NKAIN3: variants seen among roughly 807,000 people sequenced by gnomAD.
NKAIN3 encodes the protein sodium/potassium-transporting ATPase subunit beta-1-interacting protein 3.
A neutral mutation model predicts 30.2 loss-of-function variants in NKAIN3; 25 were observed. The ratio of observed to expected loss-of-function variants is 0.83; its 90% confidence interval spans 0.60 to 1.16. The LOEUF (loss-of-function observed/expected upper bound fraction) is 1.16, where lower values mean the gene tolerates loss of function less well. NKAIN3 is among the 50% of genes most tolerant of loss of function. The pLI is 0.00. For missense variants in NKAIN3, 225 were observed against 254.1 expected, an observed-to-expected ratio of 0.89 and a Z score of 0.78; for synonymous variants, 91 against 89.6, an observed-to-expected ratio of 1.02 and a Z score of -0.09.
intron 3 of NKAIN3, among the ~76,000 whole-genome samples, chr8:62,728,248 G>A (rs1360606069): frequency 1.3e-5 from 2 of 151,838 alleles, no homozygotes; most frequent in Non-Finnish European, 1.5e-5. Flanking sequence ...GTTTGGCAAT[G>A]GCATTTTAGA....
chr8:62,408,020 C>A (rs1457052421), intron 1 of NKAIN3, among the ~76,000 whole-genome samples: 1 of 152,144 alleles, frequency 6.6e-6, no homozygotes, highest in African/African-American at 2.4e-5. Context: ...AACAGTGAGA[C>A]CTTGTCTCTA....
At chr8:62,932,190 A>G (rs140624123) in intron 5 of NKAIN3, among the ~76,000 whole-genome samples, 12 of 152,372 alleles carry the variant, frequency 7.9e-5, no homozygotes, top group Non-Finnish European at 1.3e-4. Context: ...ACAAACTTAA[A>G]TAGCTAATTT....
At chr8:62,314,457 G>A (rs1235162037) in intron 1 of NKAIN3, among the ~76,000 whole-genome samples, 2 of 152,146 alleles carry the variant, frequency 1.3e-5, no homozygotes, top group African/African-American at 4.8e-5. Context: ...TGAGGTTTGC[G>A]ATGAAACCGG....
chr8:62,782,445 A>C (rs375689721), intron 4 of NKAIN3, among the ~76,000 whole-genome samples: 1 of 152,088 alleles, frequency 6.6e-6, no homozygotes, highest in African/African-American at 2.4e-5. Flanking sequence ...AAAAGAAATC[A>C]GTACATCAAA....
rs182478574 is a variant in NKAIN3 at position 62,442,235 on chromosome 8, T to C, written c.55-137304T>C. 2.0e-5 allele frequency among the ~76,000 whole-genome samples: 3 copies of C among 152,154 alleles called. No individual in the cohort carries two copies. In the East Asian group the frequency reaches 5.8e-4, roughly 29 times the overall value. On this transcript the variant is annotated intron_variant, in intron 1 of 6. Transcript: ENST00000623646. ...TTGTAAAACTATCAGAGCCTTGTACTATTTTGGTGGAAAGGAATATATTTA... is the reference window on the plus strand; with the variant it reads ...TTGTAAAACTATCAGAGCCTTGTACCATTTTGGTGGAAAGGAATATATTTA...
intron 3 of NKAIN3, among the ~76,000 whole-genome samples, chr8:62,726,311 T>A (rs1008060486): frequency 3.9e-5 from 6 of 152,100 alleles, no homozygotes; most frequent in Admixed American, 2.6e-4. Flanking sequence ...CTTTATTTCC[T>A]TCTCTTTTCC....
intron 1 of NKAIN3, among the ~76,000 whole-genome samples, chr8:62,336,279 T>C (rs1815548958): frequency 6.6e-6 from 1 of 152,080 alleles, no homozygotes; most frequent in Admixed American, 6.6e-5. Context: ...TGTTTTACCA[T>C]AGGCAGCTAG....
In NKAIN3 at chr8:62,982,337, T is replaced by C. The variant is rs1366421837; in HGVS notation, c.*16930T>C. On this transcript the variant is annotated 3_prime_UTR_variant, in exon 7 of 7. Transcript: ENST00000623646. Reference sequence around the variant, plus strand: ...AAACTTTTTCTGATAACCATACATATCTTCAATGTCTACAATTTGAATGGA... The same window carrying C: ...AAACTTTTTCTGATAACCATACATACCTTCAATGTCTACAATTTGAATGGA... 6.6e-6 allele frequency: 1 copy of C among 152,214 alleles called. No individual in the cohort carries two copies. Among genetic ancestry groups the C allele is most frequent in the Non-Finnish European group, 1.5e-5 (1 of 68,026 alleles). 9.4% of individuals were successfully genotyped at this position (152,214 alleles called of 1,614,324 possible). A position where few individuals can be genotyped will look rare whatever the true frequency, so the allele number is the denominator to read the frequency against.
intron 5 of NKAIN3, among the ~76,000 whole-genome samples, chr8:62,921,441 A>G (rs139095567): frequency 3.0e-4 from 45 of 152,320 alleles, no homozygotes; most frequent in South Asian, 8.3e-4. Flanking sequence ...TAAAGTGGAT[A>G]TATGGGACTA....
intron 3 of NKAIN3, among the ~76,000 whole-genome samples, chr8:62,719,943 G>A (rs1815036419): frequency 6.6e-6 from 1 of 151,776 alleles, no homozygotes; most frequent in Non-Finnish European, 1.5e-5. Flanking sequence ...ATTTTCAGTA[G>A]AGACGAGGTT....
At chr8:62,387,639 AG>A (rs1051495305) in intron 1 of NKAIN3, among the ~76,000 whole-genome samples, 1 of 152,228 alleles carries the variant, frequency 6.6e-6, no homozygotes, top group Non-Finnish European at 1.5e-5. Flanking sequence ...AGAAAGGTGC[AG>A]TAACTTTTCC....
intron 1 of NKAIN3, among the ~76,000 whole-genome samples, chr8:62,340,575 A>C (rs1815709261): frequency 6.6e-6 from 1 of 152,008 alleles, no homozygotes; most frequent in Admixed American, 6.6e-5. Context: ...CTGCCAAAGC[A>C]CTGTACTTTG....
At chr8:62,792,383 G>T (rs562976700) in intron 4 of NKAIN3, among the ~76,000 whole-genome samples, 7 of 152,254 alleles carry the variant, frequency 4.6e-5, no homozygotes, top group Admixed American at 3.9e-4. Flanking sequence ...GAATAAATTA[G>T]CAGATTTATT....
intron 3 of NKAIN3, among the ~76,000 whole-genome samples, chr8:62,605,325 G>C (rs1041474097): frequency 2.0e-5 from 3 of 152,008 alleles, no homozygotes; most frequent in African/African-American, 7.2e-5. Context: ...GGAGCTTTCA[G>C]ACCAGCCCTG....
At chr8:62,860,081 G>A (rs868865971) in intron 4 of NKAIN3, among the ~76,000 whole-genome samples, 1 of 152,198 alleles carries the variant, frequency 6.6e-6, no homozygotes, top group South Asian at 2.1e-4. Context: ...CTTTAAGCTT[G>A]GATAGGTGGG....
intron 1 of NKAIN3, among the ~76,000 whole-genome samples, chr8:62,562,158 A>G (rs1322950037): frequency 1.3e-5 from 2 of 152,176 alleles, no homozygotes; most frequent in Non-Finnish European, 2.9e-5. Context: ...GCCTCTTTAT[A>G]CACATATATT....
At chr8:62,798,967 G>T (rs1386060956) in intron 4 of NKAIN3, among the ~76,000 whole-genome samples, 1 of 152,136 alleles carries the variant, frequency 6.6e-6, no homozygotes, top group African/African-American at 2.4e-5. Flanking sequence ...AGTCAAGGCA[G>T]TAACCAGATG....
At chr8:62,790,260 C>T (rs1817662325) in intron 4 of NKAIN3, among the ~76,000 whole-genome samples, 3 of 152,196 alleles carry the variant, frequency 2.0e-5, no homozygotes, top group Middle Eastern at 6.8e-3. Context: ...CAAAATTCAA[C>T]AACCTTCATG....
intron 5 of NKAIN3, among the ~76,000 whole-genome samples, chr8:62,943,128 A>C (rs919188271): frequency 2.6e-5 from 4 of 152,144 alleles, no homozygotes; most frequent in African/African-American, 9.7e-5. Flanking sequence ...ATCTTTGCGA[A>C]TTATGCATCT....
Sources: gnomAD v4.1 joint callset for allele counts (sites outside exome capture counted in the v4.1 genomes callset) on GRCh38, gnomAD v4.1.1 for gene constraint, MANE v1.5 for transcripts, NCBI Gene and HGNC (gene_info 2026-07-23, HGNC 2026-07-21) for gene names.